RBFOX1: variants seen among roughly 807,000 people sequenced by gnomAD.
The protein encoded by RBFOX1 is RNA binding protein fox-1 homolog 1.
In RBFOX1, 8 loss-of-function variants were observed where a neutral mutation model predicts 57.7. That is an observed-to-expected ratio of 0.14 (90% CI 0.08 to 0.25). The LOEUF (loss-of-function observed/expected upper bound fraction) is 0.25, where lower values mean the gene tolerates loss of function less well. Ranked by LOEUF, RBFOX1 falls within the 10% of genes least tolerant of loss-of-function variation. The pLI is 1.00. For missense variants in RBFOX1, 611 were observed against 548.5 expected (o/e 1.11, Z -1.14); for synonymous variants, 326 against 222.4 (o/e 1.47, Z -4.15).
chr16:5,991,090 T>C (rs558621345), intron 4 of RBFOX1, among the ~76,000 whole-genome samples: 216 of 152,346 alleles, frequency 1.4e-3, no homozygotes, highest in Admixed American at 2.6e-3. Context: ...TTTGAAAGCA[T>C]TCTTTGTGTG....
intron 3 of RBFOX1, among the ~76,000 whole-genome samples, chr16:6,893,431 A>C (rs2065996531): frequency 6.6e-6 from 1 of 152,184 alleles, no homozygotes; most frequent in Non-Finnish European, 1.5e-5. Flanking sequence ...TACCTCATTC[A>C]TCAAAAGATC....
chr16:6,958,138 GAGA>G (rs1220598119), intron 3 of RBFOX1, among the ~76,000 whole-genome samples: 1 of 152,122 alleles, frequency 6.6e-6, no homozygotes, highest in Non-Finnish European at 1.5e-5. Context: ...CACGTTTTTT[GAGA>G]AGCAAGGGGA....
chr16:6,452,894 T>G (rs1385453691), intron 2 of RBFOX1, among the ~76,000 whole-genome samples: 1 of 152,222 alleles, frequency 6.6e-6, no homozygotes, highest in African/African-American at 2.4e-5. Flanking sequence ...ATAAAGCCCT[T>G]AGCACACAGC....
intron 1 of RBFOX1, among the ~76,000 whole-genome samples, chr16:5,422,573 G>C (rs1567485280): frequency 1.8e-5 from 2 of 109,728 alleles, no homozygotes; most frequent in Non-Finnish European, 3.8e-5. Flanking sequence ...GGGAGGAGGA[G>C]GGGGAGAGGG....
chr16:6,706,852 G>C (rs2062842051), intron 3 of RBFOX1, among the ~76,000 whole-genome samples: 1 of 152,040 alleles, frequency 6.6e-6, no homozygotes, highest in Non-Finnish European at 1.5e-5. Flanking sequence ...AAGTCATCTG[G>C]TGTAGGTATC....
At chr16:7,336,195 C>G (rs948235612) in intron 4 of RBFOX1, among the ~76,000 whole-genome samples, 7 of 152,168 alleles carry the variant, frequency 4.6e-5, no homozygotes, top group African/African-American at 1.7e-4. Context: ...ACTCAGAGGT[C>G]TTAGCCAAGC....
At chr16:7,019,862 C>T (rs2094117628) in intron 3 of RBFOX1, among the ~76,000 whole-genome samples, 1 of 152,174 alleles carries the variant, frequency 6.6e-6, no homozygotes, top group Admixed American at 6.5e-5. Flanking sequence ...ATCTGTGGTC[C>T]AGCAATACTG....
At chr16:6,747,080 G>T (rs11642178) in intron 3 of RBFOX1, among the ~76,000 whole-genome samples, 32,601 of 151,996 alleles carry the variant, frequency 0.21, 4,058 homozygotes, top group Non-Finnish European at 0.28. Flanking sequence ...ACCATAGCAG[G>T]TCCCTATACC....
chr16:7,586,566 T>G (rs1314227843), intron 6 of RBFOX1, among the ~76,000 whole-genome samples: 1 of 152,222 alleles, frequency 6.6e-6, no homozygotes, highest in African/African-American at 2.4e-5. Context: ...TTTAACCAAG[T>G]GTCTGCATTT....
rs141020337 is a variant in RBFOX1 at position 7,528,080 on chromosome 16, G to A, written c.270+9691G>A. Among the ~76,000 whole-genome samples, 445 of 152,332 alleles carry A rather than the reference G, an allele frequency of 2.9e-3. 4 individuals are homozygous for A. Among genetic ancestry groups the A allele is most frequent in the African/African-American group, 0.01 (432 of 41,590 alleles). On this transcript the variant is annotated intron_variant, in intron 5 of 15. Transcript: ENST00000550418. ...GGCAAACAAAGTGAGATTCATTAGAGAAGGAAATGACTGAAGTTTTGTTTT... is the reference window on the plus strand; with the variant it reads ...GGCAAACAAAGTGAGATTCATTAGAAAAGGAAATGACTGAAGTTTTGTTTT...
chr16:7,004,980 C>T (rs530462600), intron 3 of RBFOX1, among the ~76,000 whole-genome samples: 2 of 152,170 alleles, frequency 1.3e-5, no homozygotes, highest in African/African-American at 2.4e-5. Flanking sequence ...CCCATTTCTA[C>T]CAAAAATACA....
chr16:5,270,544 T>A, intron 1 of RBFOX1: 2 of 609,070 alleles, frequency 3.3e-6, no homozygotes, highest in Non-Finnish European at 3.0e-6. Flanking sequence ...TTGAAACTCA[T>A]GTTGATGTGA....
chr16:6,926,725 A>G (rs1396751159), intron 3 of RBFOX1, among the ~76,000 whole-genome samples: 1 of 152,174 alleles, frequency 6.6e-6, no homozygotes, highest in Non-Finnish European at 1.5e-5. Context: ...TCGTTCAAGA[A>G]CTGGTGAAAG....
At position 6,981,690 on chromosome 16, in the gene RBFOX1, A is replaced by G. The variant is rs977934428; in HGVS notation, c.-15-70367A>G. Among the ~76,000 whole-genome samples, 3 of 152,148 alleles carry G rather than the reference A, an allele frequency of 2.0e-5. No homozygotes were observed. In the South Asian group the frequency reaches 6.2e-4, roughly 32 times the overall value. ...TAGAGGAACTCCCTTTTATAAAACCATCTTGTCACATGAGAGTCAGTATCC... is the reference window on the plus strand; with the variant it reads ...TAGAGGAACTCCCTTTTATAAAACCGTCTTGTCACATGAGAGTCAGTATCC... On this transcript the variant is annotated intron_variant, in intron 3 of 15. Transcript: ENST00000550418.
chr16:6,871,600 T>G (rs1445475456), intron 3 of RBFOX1, among the ~76,000 whole-genome samples: 1 of 152,096 alleles, frequency 6.6e-6, no homozygotes, highest in Non-Finnish European at 1.5e-5. Flanking sequence ...TCCATTCTCC[T>G]TCTATTCTCC....
At chr16:6,093,694 T>C (rs2152537836) in intron 1 of RBFOX1, among the ~76,000 whole-genome samples, 1 of 152,182 alleles carries the variant, frequency 6.6e-6, no homozygotes. Context: ...CAAGTGTAGC[T>C]CCCTGCAGCC....
At chr16:6,130,652 C>T (rs996746462) in intron 1 of RBFOX1, among the ~76,000 whole-genome samples, 46 of 152,020 alleles carry the variant, frequency 3.0e-4, no homozygotes, top group African/African-American at 1.1e-3. Flanking sequence ...AATACAGAGA[C>T]ACAGTTAGAT....
intron 1 of RBFOX1, among the ~76,000 whole-genome samples, chr16:5,399,167 G>C (rs1026367848): frequency 2.6e-5 from 4 of 152,298 alleles, no homozygotes; most frequent in African/African-American, 9.6e-5. Context: ...TTCCTTATCT[G>C]TAAAATGCGG....
intron 2 of RBFOX1, among the ~76,000 whole-genome samples, chr16:6,491,746 G>T (rs1337217684): frequency 6.6e-6 from 1 of 152,136 alleles, no homozygotes; most frequent in East Asian, 1.9e-4. Flanking sequence ...TTTTTCAAGG[G>T]TTACCAACAG....
Sources: gnomAD v4.1 joint callset for allele counts (sites outside exome capture counted in the v4.1 genomes callset) on GRCh38, gnomAD v4.1.1 for gene constraint, MANE v1.5 for transcripts, NCBI Gene and HGNC (gene_info 2026-07-23, HGNC 2026-07-21) for gene names.